GPATCH2: variants seen among roughly 807,000 people sequenced by gnomAD.
GPATCH2 encodes the protein G-patch domain containing 2.
Under a neutral mutation model 58.0 loss-of-function variants are expected in GPATCH2, and 51 were observed. The ratio of observed to expected loss-of-function variants is 0.88; its 90% CI spans 0.70 to 1.11. The LOEUF is 1.11. Ranked by LOEUF, GPATCH2 falls within the 50% of genes most tolerant of loss-of-function variation. GPATCH2 has a pLI of 0.00. For synonymous variants in GPATCH2, 222 were observed against 218.5 expected, an observed-to-expected ratio of 1.02 and a Z score of -0.14; for missense variants, 625 against 652.2, an observed-to-expected ratio of 0.96 and a Z score of 0.45.
intron 4 of GPATCH2, 113 bp downstream of exon 4, chr1:217,610,776 C>T (rs1668583854): frequency 1.4e-6 from 1 of 694,280 alleles, no homozygotes. Flanking sequence ...TGTTTCTTTA[C>T]AGCATCTTGT....
chr1:217,626,520 G>A (rs1669467153), intron 1 of GPATCH2, among the ~76,000 whole-genome samples: 1 of 152,112 alleles, frequency 6.6e-6, no homozygotes, highest in Non-Finnish European at 1.5e-5. Context: ...TGCAAATGGT[G>A]AGCCTTCAAG....
At chr1:217,463,546 TG>T in intron 8 of GPATCH2, among the ~76,000 whole-genome samples, 1 of 147,808 alleles carries the variant, frequency 6.8e-6, no homozygotes, top group Admixed American at 6.9e-5. Flanking sequence ...GATTTATGCC[TG>T]TAATCCCAGC....
At chr1:217,548,283 G>T (rs1280658920) in intron 5 of GPATCH2, among the ~76,000 whole-genome samples, 1 of 152,012 alleles carries the variant, frequency 6.6e-6, no homozygotes, top group Non-Finnish European at 1.5e-5. Context: ...GGAAGGGAGA[G>T]ATATCAGTAA....
chr1:217,467,995 C>G (rs1255665292), intron 8 of GPATCH2, among the ~76,000 whole-genome samples: 1 of 152,180 alleles, frequency 6.6e-6, no homozygotes, highest in East Asian at 1.9e-4. Context: ...ATGGACGAAA[C>G]ATATCAAATG....
chr1:217,544,169 C>T (rs1182963692), intron 5 of GPATCH2, among the ~76,000 whole-genome samples: 5 of 152,106 alleles, frequency 3.3e-5, no homozygotes, highest in Admixed American at 6.5e-5. Flanking sequence ...CTGAAGCAGG[C>T]GGATCACTCG....
chr1:217,544,908 C>A (rs1363542344), intron 5 of GPATCH2, among the ~76,000 whole-genome samples: 1 of 152,158 alleles, frequency 6.6e-6, no homozygotes, highest in Non-Finnish European at 1.5e-5. Flanking sequence ...AAATGTCTTT[C>A]CTCCCATCTA....
intron 5 of GPATCH2, chr1:217,609,842 T>G: frequency 9.9e-7 from 1 of 1,008,918 alleles, no homozygotes; most frequent in Non-Finnish European, 1.2e-6. Context: ...CTAGCTTTGT[T>G]AGCATTTTGG....
At chr1:217,567,045 G>GTTTTTTTTTTTTTT (rs549350813) in intron 5 of GPATCH2, among the ~76,000 whole-genome samples, 1 of 140,762 alleles carries the variant, frequency 7.1e-6, no homozygotes, top group African/African-American at 2.6e-5. Flanking sequence ...ATAACTTCTG[G>GTTTTTTTTTTTTTT]CTTTTTTTTT....
chr1:217,584,364 T>TATATATATATACAC lies in GPATCH2; in HGVS notation c.1098+25956_1098+25957insGTGTATATATATAT, dbSNP rs1226981154. ...AAAAAAATATATATATATATATATA[T>TATATATATATACAC]ACACACACACAAAAATTAGCCAGGC... On this transcript the variant is annotated intron_variant, in intron 5 of 9. Coordinates refer to ENST00000366935, the MANE Select transcript of GPATCH2 (RefSeq NM_018040.5). 1.7e-3 allele frequency among the ~76,000 whole-genome samples: 205 copies of TATATATATATACAC among 121,420 alleles called. 1 individual carries two copies. The highest frequency in any genetic ancestry group is 5.7e-3 in the African/African-American group (185 of 32,570). The allele number at this position is 121,420 out of a possible 152,430, so 79.7% of individuals were successfully genotyped here.
intron 2 of GPATCH2, among the ~76,000 whole-genome samples, chr1:217,616,294 T>A (rs994944794): frequency 2.0e-5 from 3 of 152,166 alleles, no homozygotes; most frequent in Non-Finnish European, 4.4e-5. Context: ...ATTTAAAAAT[T>A]TAAAATTACT....
intron 8 of GPATCH2, among the ~76,000 whole-genome samples, chr1:217,488,752 C>T (rs1160618732): frequency 6.6e-6 from 1 of 151,998 alleles, no homozygotes; most frequent in Non-Finnish European, 1.5e-5. Flanking sequence ...AGTGCAGTGG[C>T]ATGATCATGG....
chr1:217,581,627 C>T (rs1426746928), intron 5 of GPATCH2, among the ~76,000 whole-genome samples: 4 of 152,152 alleles, frequency 2.6e-5, no homozygotes, highest in Non-Finnish European at 5.9e-5. Context: ...CTGCCCAGCT[C>T]TGGAGTGCTT....
At position 217,428,643 on chromosome 1, in the gene GPATCH2, T is replaced by C. The variant is rs1032837335; in HGVS notation, c.*2502A>G. 2.0e-5 allele frequency: 3 copies of C among 152,200 alleles called. No individual in the cohort carries two copies. The highest frequency in any genetic ancestry group is 7.2e-5 in the African/African-American group (3 of 41,450). 9.4% of individuals were successfully genotyped at this position (152,200 alleles called of 1,614,324 possible). On this transcript the variant is annotated 3_prime_UTR_variant, in exon 10 of 10. Transcript: ENST00000366935. ...ATTCACATATACTGTAGAGTACATA[T>C]ATTCTGTACAATTAAACACTTCAAC...
chr1:217,450,791 T>A (rs1055221678), intron 8 of GPATCH2, among the ~76,000 whole-genome samples: 8 of 152,138 alleles, frequency 5.3e-5, no homozygotes, highest in Admixed American at 6.6e-5. Flanking sequence ...TGGTCTTGGC[T>A]CATGATGCCA....
chr1:217,570,998 A>G (rs902405191), intron 5 of GPATCH2, among the ~76,000 whole-genome samples: 1 of 152,232 alleles, frequency 6.6e-6, no homozygotes, highest in Non-Finnish European at 1.5e-5. Context: ...ATAAATCTGT[A>G]AAGATGTTTC....
chr1:217,487,890 A>G (rs1192027404), intron 8 of GPATCH2, among the ~76,000 whole-genome samples: 1 of 152,012 alleles, frequency 6.6e-6, no homozygotes, highest in East Asian at 1.9e-4. Context: ...TTACAGGAGC[A>G]CACCACCACG....
intron 6 of GPATCH2, among the ~76,000 whole-genome samples, chr1:217,509,113 G>A (rs868215591): frequency 1.3e-5 from 2 of 152,280 alleles, no homozygotes; most frequent in South Asian, 2.1e-4. Flanking sequence ...GAGAAGGCGG[G>A]TGGATCACTT....
intron 5 of GPATCH2, among the ~76,000 whole-genome samples, chr1:217,558,324 A>C (rs1315020476): frequency 2.0e-5 from 3 of 152,194 alleles, no homozygotes; most frequent in Non-Finnish European, 2.9e-5. Flanking sequence ...ATACTAAATA[A>C]ATATTTTGAC....
intron 5 of GPATCH2, among the ~76,000 whole-genome samples, chr1:217,561,399 G>A (rs994998868): frequency 6.6e-6 from 1 of 152,144 alleles, no homozygotes. Flanking sequence ...ATCACACTTG[G>A]AGAATAAAAA....
Sources: gnomAD v4.1 joint callset for allele counts (sites outside exome capture counted in the v4.1 genomes callset) on GRCh38, gnomAD v4.1.1 for gene constraint, MANE v1.5 for transcripts, NCBI Gene and HGNC (gene_info 2026-07-23, HGNC 2026-07-21) for gene names.